Variants in PTPRK observed in about 807,000 individuals in gnomAD.
The protein encoded by PTPRK is protein tyrosine phosphatase receptor type K.
Under a neutral mutation model 178.0 loss-of-function variants are expected in PTPRK, and 75 were observed. The ratio of observed to expected loss-of-function variants is 0.42; its 90% confidence interval spans 0.35 to 0.51. The LOEUF (loss-of-function observed/expected upper bound fraction) is 0.51, where lower values mean the gene tolerates loss of function less well. Ranked by LOEUF, PTPRK falls within the 20% of genes least tolerant of loss-of-function variation. The pLI, the probability that PTPRK is intolerant of heterozygous loss-of-function variation, is 0.02. For synonymous variants in PTPRK, 637 were observed against 620.6 expected (o/e 1.03, Z -0.39); for missense variants, 1,441 against 1,797.8 (o/e 0.80, Z 3.59).
In PTPRK at chr6:128,508,956, AAAAG is replaced by A. The variant is rs538598785; in HGVS notation, c.100+11299_100+11302del. On this transcript the variant is annotated intron_variant, in intron 1 of 29. Transcript: ENST00000368226. ...GTGCGAAACTCCATCTCAAAAAAAA[AAAAG>A]AAAAGAAAAGAAAAGAAAACGAAAA... Among the ~76,000 whole-genome samples, 201 of 146,534 alleles carry A rather than the reference AAAAG, an allele frequency of 1.4e-3. 1 individual carries two copies. The highest frequency in any genetic ancestry group is 5.2e-3 in the African/African-American group (189 of 36,418).
chr6:128,221,435 A>G (rs1424738148), intron 5 of PTPRK, among the ~76,000 whole-genome samples: 1 of 151,724 alleles, frequency 6.6e-6, no homozygotes, highest in African/African-American at 2.4e-5. Flanking sequence ...GAGGCAGGAG[A>G]ATGGTGTGAA....
At chr6:128,493,216 T>A (rs998351830) in intron 1 of PTPRK, among the ~76,000 whole-genome samples, 1 of 152,140 alleles carries the variant, frequency 6.6e-6, no homozygotes, top group African/African-American at 2.4e-5. Context: ...AAATTAAAAC[T>A]GCAATTTTTA....
intron 1 of PTPRK, among the ~76,000 whole-genome samples, chr6:128,420,446 T>C (rs1171425234): frequency 6.6e-6 from 1 of 152,204 alleles, no homozygotes; most frequent in Non-Finnish European, 1.5e-5. Flanking sequence ...TCAATAAATG[T>C]TTAATTACTA....
At chr6:128,454,029 A>T (rs1848106133) in intron 1 of PTPRK, among the ~76,000 whole-genome samples, 1 of 152,176 alleles carries the variant, frequency 6.6e-6, no homozygotes, top group African/African-American at 2.4e-5. Flanking sequence ...TAATAAGAAA[A>T]TCCCCATTTT....
chr6:128,167,130 T>C (rs1002067161), intron 7 of PTPRK, among the ~76,000 whole-genome samples: 4 of 151,484 alleles, frequency 2.6e-5, no homozygotes, highest in East Asian at 4.0e-4. Flanking sequence ...TACATAAATA[T>C]AAATGAAAAA....
In PTPRK at chr6:128,002,805, A is replaced by G. The variant is rs554719146; in HGVS notation, c.2494+2279T>C. 2.2e-4 allele frequency among the ~76,000 whole-genome samples: 34 copies of G among 152,026 alleles called. No homozygotes were observed. The South Asian group carries it at 7.0e-3, about 31-fold the overall frequency. ...TAAATTTGTTCTTTCGTGGTTATAA[A>G]TTGGGAGGATTTAGAAACATCCCTT... On this transcript the variant is annotated intron_variant, in intron 15 of 29. Transcript: ENST00000368226.
intron 13 of PTPRK, among the ~76,000 whole-genome samples, chr6:128,037,432 TGA>T (rs1043742253): frequency 1.3e-5 from 2 of 152,166 alleles, no homozygotes; most frequent in African/African-American, 2.4e-5. Context: ...GTCAGTCCTC[TGA>T]GAGAGTTACC....
chr6:128,327,985 G>A (rs1829791464), intron 2 of PTPRK, among the ~76,000 whole-genome samples: 1 of 152,188 alleles, frequency 6.6e-6, no homozygotes, highest in South Asian at 2.1e-4. Flanking sequence ...CTGCAGCAGA[G>A]TGGCATGAGG....
chr6:128,242,628 TACA>T (rs1471865263), intron 3 of PTPRK, 26 bp from the exon 4 acceptor site: 24 of 1,608,004 alleles, frequency 1.5e-5, no homozygotes, highest in Non-Finnish European at 2.0e-5. Flanking sequence ...AGAAAATATT[TACA>T]ACAATAGTTT....
intron 6 of PTPRK, among the ~76,000 whole-genome samples, chr6:128,198,380 G>A (rs1259406404): frequency 6.6e-6 from 1 of 152,000 alleles, no homozygotes; most frequent in Non-Finnish European, 1.5e-5. Flanking sequence ...GTTTTCCATG[G>A]GAAACTCTTC....
At chr6:128,435,049 G>A (rs1390589415) in intron 1 of PTPRK, among the ~76,000 whole-genome samples, 2 of 35,520 alleles carry the variant, frequency 5.6e-5, no homozygotes, top group African/African-American at 2.6e-4. Context: ...AGGAAGGCAG[G>A]AAGGAAGGAA....
At position 128,287,313 on chromosome 6, in the gene PTPRK, G is replaced by A. The variant is rs1174183696; in HGVS notation, c.495+34726C>T. Reference sequence around the variant, plus strand: ...ACTGTCTTCCCTGAAGACCATGTCCGAAAACTCTTGCTCAGAAAGACAACT... The same window carrying A: ...ACTGTCTTCCCTGAAGACCATGTCCAAAAACTCTTGCTCAGAAAGACAACT... On this transcript the variant is annotated intron_variant, in intron 3 of 29. Coordinates refer to ENST00000368226, the MANE Select transcript of PTPRK (RefSeq NM_002844.4). 5.3e-5 allele frequency among the ~76,000 whole-genome samples: 8 copies of A among 152,142 alleles called. No homozygotes were observed. The South Asian group carries it at 8.3e-4, about 16-fold the overall frequency.
At chr6:128,416,677 G>T (rs377336637) in intron 1 of PTPRK, among the ~76,000 whole-genome samples, 1 of 150,590 alleles carries the variant, frequency 6.6e-6, no homozygotes, top group Non-Finnish European at 1.5e-5. Flanking sequence ...AACTGGAGAG[G>T]CAAACAACAC....
intron 1 of PTPRK, among the ~76,000 whole-genome samples, chr6:128,401,575 T>C (rs1841023712): frequency 6.6e-6 from 1 of 152,172 alleles, no homozygotes; most frequent in Non-Finnish European, 1.5e-5. Flanking sequence ...CGTAGATCAC[T>C]GGAGAGCCAT....
At chr6:128,473,995 C>G (rs903035927) in intron 1 of PTPRK, among the ~76,000 whole-genome samples, 1 of 152,028 alleles carries the variant, frequency 6.6e-6, no homozygotes, top group East Asian at 1.9e-4. Context: ...TGTAACCTAA[C>G]GGGCCACAGA....
intron 6 of PTPRK, among the ~76,000 whole-genome samples, chr6:128,206,916 C>T (rs1807081769): frequency 6.6e-6 from 1 of 152,156 alleles, no homozygotes; most frequent in African/African-American, 2.4e-5. Flanking sequence ...GCATAGCTTA[C>T]AAGTTCCTGT....
chr6:128,037,920 A>G (rs1363308502), intron 13 of PTPRK, among the ~76,000 whole-genome samples: 3 of 152,222 alleles, frequency 2.0e-5, no homozygotes, highest in Admixed American at 1.3e-4. Flanking sequence ...TTTTAAAACA[A>G]TTATTATATT....
chr6:128,514,361 A>T (rs989071655), intron 1 of PTPRK, among the ~76,000 whole-genome samples: 1 of 139,182 alleles, frequency 7.2e-6, no homozygotes, highest in Non-Finnish European at 1.6e-5. Flanking sequence ...AAGTCCTAGC[A>T]TTGTTAAGAT....
chr6:128,258,457 C>T lies in PTPRK; in HGVS notation c.496-15855G>A, dbSNP rs1817676675. ...TAACTGACCAGAAAAATCCAAGGCA[C>T]TGGGAAAATGAAATAAAGGAAACAA... On this transcript the variant is annotated intron_variant, in intron 3 of 29. Transcript: ENST00000368226. Among the ~76,000 whole-genome samples the T allele has an allele frequency of 2.6e-5, 4 of 152,120 alleles. No individual in the cohort carries two copies. The South Asian group carries it at 8.3e-4, about 32-fold the overall frequency.
Sources: allele counts gnomAD v4.1 joint callset (sites outside exome capture counted in the v4.1 genomes callset), GRCh38; gene constraint gnomAD v4.1.1; transcripts MANE v1.5; gene names NCBI Gene and HGNC (gene_info 2026-07-23, HGNC 2026-07-21).